Variants in BUD23 observed in about 807,000 individuals in gnomAD.
The protein encoded by BUD23 is 18S rRNA (guanine-N(7))-methyltransferase.
Under a neutral mutation model 47.0 loss-of-function variants are expected in BUD23, and 34 were observed. The observed-to-expected ratio is 0.72, with a 90% CI of 0.55 to 0.96. The LOEUF (loss-of-function observed/expected upper bound fraction) is 0.96. Ranked by LOEUF, BUD23 falls within the 40% of genes least tolerant of loss-of-function variation. The pLI, the probability that BUD23 is intolerant of heterozygous loss-of-function variation, is 0.00. For synonymous variants in BUD23, 124 were observed against 132.0 expected, an observed-to-expected ratio of 0.94 and a Z score of 0.41; for missense variants, 343 against 361.2, an observed-to-expected ratio of 0.95 and a Z score of 0.41.
At chr7:73,692,548 A>T in intron 6 of BUD23, 48 bp from the exon 7 acceptor site, 1 of 1,593,506 alleles carries the variant, frequency 6.3e-7, no homozygotes. Flanking sequence ...TCCAGGCCCT[A>T]AGCTCATGCA....
intron 3 of BUD23, 21 bp from the exon 4 acceptor site, chr7:73,686,797 G>A: frequency 6.2e-7 from 1 of 1,614,156 alleles, no homozygotes; most frequent in South Asian, 1.1e-5. Flanking sequence ...CTGACCCTGA[G>A]TGTCTGGTCA....
chr7:73,697,422 GT>G, intron 10 of BUD23, 182 bp from the exon 11 acceptor site: 1 of 1,536,464 alleles, frequency 6.5e-7, no homozygotes, highest in Non-Finnish European at 8.7e-7. Context: ...CCGGATGGAT[GT>G]TATCAGGAAG....
chr7:73,687,925 T>G (rs1554613352), intron 5 of BUD23, among the ~76,000 whole-genome samples: 2 of 149,510 alleles, frequency 1.3e-5, no homozygotes, highest in Admixed American at 1.3e-4. Flanking sequence ...AGATGGAGGC[T>G]CTCTCTGTTG....
intron 2 of BUD23, among the ~76,000 whole-genome samples, chr7:73,684,299 G>C (rs1554612410): frequency 6.6e-6 from 1 of 152,070 alleles, no homozygotes; most frequent in African/African-American, 2.4e-5. Context: ...GCAGCACTTT[G>C]GGAGGCTGAG....
chr7:73,694,137 C>T, intron 10 of BUD23, 87 bp downstream of exon 10: 2 of 1,390,686 alleles, frequency 1.4e-6, no homozygotes, highest in South Asian at 1.3e-5. Context: ...CTCACCCAAG[C>T]CTCTCAGGTC....
At chr7:73,696,000 A>G (rs1342169006) in intron 10 of BUD23, 1 of 152,234 alleles carries the variant, frequency 6.6e-6, no homozygotes, top group African/African-American at 2.4e-5. Context: ...CCCTGACATT[A>G]AAAATAGTGT....
At chr7:73,690,219 G>C (rs888887459) in intron 5 of BUD23, among the ~76,000 whole-genome samples, 1 of 152,118 alleles carries the variant, frequency 6.6e-6, no homozygotes. Flanking sequence ...TGGTCAGGCT[G>C]GTCTCGAACT....
At chr7:73,695,738 C>T (rs1798378680) in intron 10 of BUD23, 1 of 152,364 alleles carries the variant, frequency 6.6e-6, no homozygotes, top group South Asian at 2.1e-4. Context: ...GTGTTGTCTC[C>T]TTGCCTTTGC....
chr7:73,696,014 G>T (rs1554614792), intron 10 of BUD23: 1 of 152,118 alleles, frequency 6.6e-6, no homozygotes, highest in African/African-American at 2.4e-5. Flanking sequence ...ATAGTGTCTT[G>T]TTAGTAAAAA....
chr7:73,692,537 G>C, intron 6 of BUD23, 59 bp from the exon 7 acceptor site: 4 of 1,542,732 alleles, frequency 2.6e-6, no homozygotes, highest in Non-Finnish European at 3.6e-6. Flanking sequence ...AGAGAGGGGT[G>C]TCCAGGCCCT....
intron 10 of BUD23, 138 bp from the exon 11 acceptor site, chr7:73,697,467 G>T: frequency 6.5e-7 from 1 of 1,547,032 alleles, no homozygotes; most frequent in Admixed American, 1.9e-5. Context: ...GTGTTATAGG[G>T]AAGGTGGAGC....
chr7:73,684,762 A>G (rs1339152862), intron 2 of BUD23, among the ~76,000 whole-genome samples: 1 of 151,266 alleles, frequency 6.6e-6, no homozygotes, highest in Non-Finnish European at 1.5e-5. Context: ...AGCTCTACTA[A>G]AAATGGAAAA....
intron 6 of BUD23, among the ~76,000 whole-genome samples, chr7:73,692,208 C>T (rs1315685802): frequency 2.0e-5 from 3 of 152,158 alleles, no homozygotes; most frequent in African/African-American, 7.2e-5. Context: ...CTTTGTGTTT[C>T]CTCTTCTCCC....
chr7:73,692,603 G>T lies in BUD23; in HGVS notation c.467G>T (p.Gly156Val), dbSNP rs528258905. 3 of 1,613,724 alleles carry T rather than the reference G, an allele frequency of 1.9e-6. No individual in the cohort carries two copies. The highest frequency in any genetic ancestry group is 2.2e-5 in the East Asian group (1 of 44,866). ...TGTTCCTGTTTCTTTCAGGTCCGGG[G>T]ATCCCGAGCTGTCCTGCAGCTGTAC... is the stretch of plus-strand genomic sequence containing the variant. Reference protein sequence around the residue: ...FASLFSVLVRGSRAVLQLYPE... With the variant: ...FASLFSVLVRVSRAVLQLYPE... The change falls in exon 7 of 12, where the codon GGA (glycine) becomes GTA (valine). Residue 156 changes from glycine to valine, a missense_variant. Coordinates refer to ENST00000265758, the MANE Select transcript of BUD23 (RefSeq NM_017528.5).
Position 73,692,612 on chromosome 7 carries a change from C to G in BUD23, c.476C>G (p.Ala159Gly). 1 of 1,613,792 alleles carries G rather than the reference C, an allele frequency of 6.2e-7. No individual in the cohort carries two copies. The highest frequency in any genetic ancestry group is 2.2e-5 in the East Asian group (1 of 44,868). The change falls in exon 7 of 12, where the codon GCT becomes GGT. Residue 159 changes from alanine to glycine, a missense_variant. Coordinates refer to ENST00000265758, the MANE Select transcript of BUD23 (RefSeq NM_017528.5). ...TTCTTTCAGGTCCGGGGATCCCGAG[C>G]TGTCCTGCAGCTGTACCCTGAGAAC... The part of the protein sequence containing the change: ...LFSVLVRGSR[A>G]VLQLYPENSE...
chr7:73,691,062 AGCACT>A, intron 6 of BUD23, 50 bp downstream of exon 6: 4 of 1,502,336 alleles, frequency 2.7e-6, no homozygotes, highest in Non-Finnish European at 3.7e-6. Flanking sequence ...GTCCCTCCCT[AGCACT>A]GCAGGTAGAG....
chr7:73,690,570 C>T (rs1241152539), intron 5 of BUD23, among the ~76,000 whole-genome samples: 1 of 152,182 alleles, frequency 6.6e-6, no homozygotes, highest in Non-Finnish European at 1.5e-5. Context: ...TCTGTATGTC[C>T]TATTTTTCCA....
At chr7:73,685,221 A>G (rs963819828) in intron 2 of BUD23, among the ~76,000 whole-genome samples, 9 of 152,204 alleles carry the variant, frequency 5.9e-5, no homozygotes, top group African/African-American at 2.2e-4. Context: ...CAGAGGTTGC[A>G]GTGAGCTGCG....
chr7:73,692,486 A>G (rs1199196876), intron 6 of BUD23, 110 bp from the exon 7 acceptor site: 9 of 1,077,502 alleles, frequency 8.4e-6, no homozygotes, highest in African/African-American at 3.1e-5. Context: ...ACAATGCCTC[A>G]CACATAATGG....
Sources: allele counts gnomAD v4.1 joint callset (sites outside exome capture counted in the v4.1 genomes callset), GRCh38; gene constraint gnomAD v4.1.1; transcripts MANE v1.5; gene names NCBI Gene and HGNC (gene_info 2026-07-23, HGNC 2026-07-21).